PAN3: variants seen among roughly 807,000 people sequenced by gnomAD.
PAN3 encodes poly(A) specific ribonuclease subunit PAN3, also known as PAN2-PAN3 deadenylation complex subunit PAN3.
In PAN3, 19 loss-of-function variants were observed where a neutral mutation model predicts 96.2. That is an observed-to-expected ratio of 0.20 (90% CI 0.14 to 0.29). PAN3 has a LOEUF of 0.29. Ranked by LOEUF, PAN3 falls within the 10% of genes least tolerant of loss-of-function variation. The pLI, the probability that PAN3 is intolerant of heterozygous loss-of-function variation, is 1.00. For missense variants in PAN3, 882 were observed against 1,108.1 expected (o/e 0.80, Z 2.90); for synonymous variants, 433 against 406.6 (o/e 1.06, Z -0.78).
intron 14 of PAN3, among the ~76,000 whole-genome samples, chr13:28,275,617 A>G (rs753114302): frequency 1.6e-4 from 25 of 152,166 alleles, no homozygotes; most frequent in Non-Finnish European, 2.8e-4. Flanking sequence ...AGATTTCTGT[A>G]ATTTCATGAA....
chr13:28,206,860 C>T (rs1879436959), intron 5 of PAN3, among the ~76,000 whole-genome samples: 1 of 151,510 alleles, frequency 6.6e-6, no homozygotes, highest in South Asian at 2.1e-4. Context: ...TCTCACATGT[C>T]TTCAATACTT....
chr13:28,178,042 A>G, intron 4 of PAN3, 107 bp downstream of exon 4: 1 of 958,970 alleles, frequency 1.0e-6, no homozygotes, highest in South Asian at 1.5e-5. Flanking sequence ...AGAGCTTTTT[A>G]TGGGCTTTAG....
intron 12 of PAN3, among the ~76,000 whole-genome samples, chr13:28,267,653 T>C (rs1034664496): frequency 2.0e-5 from 3 of 151,932 alleles, no homozygotes; most frequent in African/African-American, 7.3e-5. Context: ...TGGCAGAAGG[T>C]GAAAGGCATG....
rs561249382 is a variant in PAN3, at chr13:28,167,386, C to T, written c.431-6886C>T. On this transcript the variant is annotated intron_variant, in intron 1 of 18. Coordinates refer to ENST00000380958, the MANE Select transcript of PAN3 (RefSeq NM_175854.8). ...ATGTTGGCCGGGTTGGTCTCAAACT[C>T]CTGACCTCAGGTGATCTGCCCACGT... is the stretch of plus-strand genomic sequence containing the variant. Among the ~76,000 whole-genome samples the T allele has an allele frequency of 3.3e-5, 5 of 152,092 alleles. No homozygotes were observed. The South Asian group carries it at 1.0e-3, about 32-fold the overall frequency.
At chr13:28,141,011 T>TTTA (rs1555266995) in intron 1 of PAN3, among the ~76,000 whole-genome samples, 1 of 148,712 alleles carries the variant, frequency 6.7e-6, no homozygotes, top group South Asian at 2.2e-4. Flanking sequence ...CACTTTTTTT[T>TTTA]TTTTTTTTTT....
chr13:28,223,182 A>G (rs1881585008), intron 6 of PAN3, among the ~76,000 whole-genome samples: 1 of 152,220 alleles, frequency 6.6e-6, no homozygotes, highest in Non-Finnish European at 1.5e-5. Context: ...ATATGTCTCA[A>G]TGTAAGAAAT....
At chr13:28,227,698 G>C (rs1882146466) in intron 6 of PAN3, among the ~76,000 whole-genome samples, 1 of 152,210 alleles carries the variant, frequency 6.6e-6, no homozygotes. Context: ...GGACAGTAAA[G>C]AGACAGAAAT....
intron 6 of PAN3, among the ~76,000 whole-genome samples, chr13:28,234,560 A>G (rs897339340): frequency 2.0e-5 from 3 of 152,134 alleles, no homozygotes; most frequent in African/African-American, 7.2e-5. Flanking sequence ...TACCTAAGCT[A>G]TGTGAAAATC....
chr13:28,164,317 A>G (rs770372997), intron 1 of PAN3, among the ~76,000 whole-genome samples: 22 of 152,222 alleles, frequency 1.4e-4, no homozygotes, highest in Non-Finnish European at 2.6e-4. Flanking sequence ...CATTTTGCCC[A>G]AGACTTTGTG....
intron 6 of PAN3, among the ~76,000 whole-genome samples, chr13:28,221,145 T>C (rs1181495024): frequency 1.3e-5 from 2 of 152,176 alleles, no homozygotes; most frequent in Admixed American, 6.5e-5. Context: ...AGTATAAAAA[T>C]ATTTAAATTT....
intron 5 of PAN3, among the ~76,000 whole-genome samples, chr13:28,198,987 A>G (rs1450288377): frequency 2.0e-5 from 3 of 152,248 alleles, no homozygotes; most frequent in Non-Finnish European, 4.4e-5. Flanking sequence ...TTCTAAAGAT[A>G]AGAAAAGACA....
intron 15 of PAN3, 99 bp from the exon 16 acceptor site, chr13:28,280,313 G>T: frequency 2.2e-6 from 3 of 1,353,930 alleles, no homozygotes; most frequent in Non-Finnish European, 3.0e-6. Flanking sequence ...AAAATTTTGT[G>T]TGCTAAGATG....
chr13:28,227,441 G>A lies in PAN3; in HGVS notation c.1000+7063G>A, dbSNP rs569036851. Among the ~76,000 whole-genome samples the A allele has an allele frequency of 4.6e-5, 7 of 152,202 alleles. No homozygotes were observed. The East Asian group carries it at 1.2e-3, about 25-fold the overall frequency. On this transcript the variant is annotated intron_variant, in intron 6 of 18. Coordinates refer to ENST00000380958, the MANE Select transcript of PAN3 (RefSeq NM_175854.8). ...GGATTTCCTTTAACTACGAGTTACC[G>A]ATCCAGTGATCTACAGCTGCAGCAA...
At chr13:28,248,037 TC>T (rs1884371100) in intron 6 of PAN3, among the ~76,000 whole-genome samples, 1 of 152,218 alleles carries the variant, frequency 6.6e-6, no homozygotes, top group African/African-American at 2.4e-5. Flanking sequence ...TATTAATTCT[TC>T]CAATTCATGA....
At chr13:28,171,279 A>G (rs1049958648) in intron 1 of PAN3, among the ~76,000 whole-genome samples, 2 of 138,786 alleles carry the variant, frequency 1.4e-5, no homozygotes, top group South Asian at 2.3e-4. Flanking sequence ...CCTGTTTTCT[A>G]CTACACTCTC....
intron 1 of PAN3, among the ~76,000 whole-genome samples, chr13:28,154,571 T>C (rs1345822073): frequency 1.3e-5 from 2 of 152,152 alleles, no homozygotes; most frequent in Admixed American, 6.5e-5. Flanking sequence ...TTTGGCTCAC[T>C]GCAACCTCTG....
intron 5 of PAN3, among the ~76,000 whole-genome samples, chr13:28,200,508 AT>A (rs775251833): frequency 1.3e-5 from 2 of 152,188 alleles, no homozygotes; most frequent in Non-Finnish European, 2.9e-5. Context: ...TTCATACTGC[AT>A]TTATTCTCTT....
intron 6 of PAN3, among the ~76,000 whole-genome samples, chr13:28,241,033 G>A (rs1197714253): frequency 1.6e-4 from 25 of 152,164 alleles, no homozygotes; most frequent in Non-Finnish European, 4.4e-5. Flanking sequence ...GAACCGAGGT[G>A]GCAAGGTTGC....
chr13:28,157,596 A>G (rs1001042971), intron 1 of PAN3, among the ~76,000 whole-genome samples: 6 of 152,208 alleles, frequency 3.9e-5, no homozygotes, highest in Admixed American at 2.0e-4. Flanking sequence ...TCAAGAATGC[A>G]ATCCTATTCA....
Sources: gnomAD v4.1 joint callset for allele counts (sites outside exome capture counted in the v4.1 genomes callset) on GRCh38, gnomAD v4.1.1 for gene constraint, MANE v1.5 for transcripts, NCBI Gene and HGNC (gene_info 2026-07-23, HGNC 2026-07-21) for gene names.